The following CSMD3 variants were observed in gnomAD, a reference collection of about 807,000 sequenced individuals.
The protein encoded by CSMD3 is CUB and Sushi multiple domains 3.
In CSMD3, 177 loss-of-function variants were observed where a neutral mutation model predicts 435.2. That is an observed-to-expected ratio of 0.41 (90% confidence interval 0.36 to 0.46). The LOEUF (loss-of-function observed/expected upper bound fraction) is 0.46. CSMD3 is among the 20% of genes least tolerant of loss of function. The pLI is 0.34. For synonymous variants in CSMD3, 1,656 were observed against 1,520.5 expected (o/e 1.09, Z -2.07); for missense variants, 4,265 against 4,504.6 (o/e 0.95, Z 1.52).
intron 23 of CSMD3, among the ~76,000 whole-genome samples, chr8:112,581,655 C>A (rs552037133): frequency 6.6e-6 from 1 of 152,108 alleles, no homozygotes; most frequent in Admixed American, 6.6e-5. Context: ...ATTTACTATA[C>A]GACAAGCATT....
intron 1 of CSMD3, among the ~76,000 whole-genome samples, chr8:113,340,350 A>G (rs2094109835): frequency 1.3e-5 from 2 of 152,172 alleles, no homozygotes; most frequent in South Asian, 4.1e-4. Context: ...TGTGCATTTT[A>G]ATTTTATATA....
At chr8:112,732,275 A>G (rs1380860415) in intron 13 of CSMD3, among the ~76,000 whole-genome samples, 1 of 152,146 alleles carries the variant, frequency 6.6e-6, no homozygotes, top group Non-Finnish European at 1.5e-5. Context: ...TAACACAGAG[A>G]TAGCCCACAA....
chr8:112,979,467 G>C (rs2084968675), intron 6 of CSMD3, among the ~76,000 whole-genome samples: 1 of 151,382 alleles, frequency 6.6e-6, no homozygotes. Flanking sequence ...AAATTGTCAA[G>C]ATTCACCACT....
chr8:112,636,756 C>T (rs2074671314), intron 22 of CSMD3, 61 bp downstream of exon 22: 2 of 1,310,840 alleles, frequency 1.5e-6, no homozygotes, highest in South Asian at 2.4e-5. Flanking sequence ...AAGGGTGTAA[C>T]CATGCAACTC....
chr8:112,803,161 G>A (rs2078999363), intron 12 of CSMD3, among the ~76,000 whole-genome samples: 1 of 152,076 alleles, frequency 6.6e-6, no homozygotes, highest in East Asian at 1.9e-4. Flanking sequence ...GAGAAGAATG[G>A]AAGAGGAAAT....
chr8:112,823,818 C>T (rs925460405), intron 12 of CSMD3, among the ~76,000 whole-genome samples: 1 of 152,130 alleles, frequency 6.6e-6, no homozygotes, highest in African/African-American at 2.4e-5. Flanking sequence ...GTGGAGCGTT[C>T]TGTAGATGTC....
In CSMD3 at chr8:112,550,703, A is replaced by G. The variant is rs2131188611; in HGVS notation, c.4532T>C (p.Ile1511Thr). The part of the protein sequence containing the change: ...VTIQFDTDFY[I>T]SKSGFAIQFS... ...CTGAATTGCAAATCCAGATTTGCTA[A>G]TATAAAAATCCGTGTCAAACTGGAT... The change falls in exon 27 of 71, where the codon ATT becomes ACT. Residue 1511 changes from isoleucine to threonine, a missense_variant. Transcript: ENST00000297405. The G allele has an allele frequency of 6.2e-7, 1 of 1,608,102 alleles. No individual in the cohort carries two copies. The highest frequency in any genetic ancestry group is 8.5e-7 in the Non-Finnish European group (1 of 1,174,970).
chr8:112,799,085 T>C (rs1206088633), intron 13 of CSMD3, among the ~76,000 whole-genome samples: 2 of 151,914 alleles, frequency 1.3e-5, no homozygotes, highest in Non-Finnish European at 2.9e-5. Context: ...TTACTGGGGA[T>C]AGAGGTGGAT....
At chr8:113,340,219 A>G (rs2094108722) in intron 1 of CSMD3, among the ~76,000 whole-genome samples, 1 of 152,090 alleles carries the variant, frequency 6.6e-6, no homozygotes, top group Non-Finnish European at 1.5e-5. Flanking sequence ...GAAGCAAAAT[A>G]TGCATCCTTG....
chr8:112,546,797 A>T (rs927874352), intron 27 of CSMD3, among the ~76,000 whole-genome samples: 1 of 152,192 alleles, frequency 6.6e-6, no homozygotes, highest in Admixed American at 6.5e-5. Context: ...TGCCTTGCAG[A>T]CAATAACACC....
At chr8:112,803,009 G>C (rs530347238) in intron 12 of CSMD3, among the ~76,000 whole-genome samples, 1 of 151,918 alleles carries the variant, frequency 6.6e-6, no homozygotes, top group Admixed American at 6.6e-5. Flanking sequence ...GTCATATTTG[G>C]AATACATACA....
At chr8:112,649,421 T>C (rs995568046) in intron 19 of CSMD3, among the ~76,000 whole-genome samples, 3 of 152,174 alleles carry the variant, frequency 2.0e-5, no homozygotes, top group African/African-American at 7.2e-5. Context: ...AAATGACAAA[T>C]GGTATCTTCC....
chr8:112,451,351 G>C (rs1563551620), intron 32 of CSMD3, among the ~76,000 whole-genome samples: 1 of 151,586 alleles, frequency 6.6e-6, no homozygotes, highest in Non-Finnish European at 1.5e-5. Flanking sequence ...GATTATGGAA[G>C]TATCATGGAA....
intron 9 of CSMD3, among the ~76,000 whole-genome samples, chr8:112,922,215 T>C (rs773423338): frequency 2.0e-4 from 30 of 152,188 alleles, no homozygotes; most frequent in Non-Finnish European, 3.5e-4. Flanking sequence ...AGGTGTTTTT[T>C]TCTAAAAATA....
chr8:112,747,026 T>A (rs954300843), intron 13 of CSMD3, among the ~76,000 whole-genome samples: 3 of 152,074 alleles, frequency 2.0e-5, no homozygotes, highest in Admixed American at 2.0e-4. Flanking sequence ...TTCATTTACA[T>A]GCTCAAATAC....
At chr8:112,296,117 C>G (rs938426691) in intron 53 of CSMD3, 111 bp from the exon 54 acceptor site, 1 of 803,454 alleles carries the variant, frequency 1.2e-6, no homozygotes, top group Middle Eastern at 3.6e-4. Context: ...AAGCAAGCAA[C>G]AAATAATTCA....
chr8:113,079,450 T>G lies in CSMD3; in HGVS notation c.917+19306A>C, dbSNP rs534944672. ...CTTTGATTTTTTTTTCAACTCAGCT[T>G]CATTACATTTTATCTTCCTAAGTAA... On this transcript the variant is annotated intron_variant, in intron 5 of 70. Transcript: ENST00000297405. Among the ~76,000 whole-genome samples the G allele has an allele frequency of 3.9e-5, 6 of 152,264 alleles. No homozygotes were observed. In the South Asian group the frequency reaches 1.2e-3, roughly 32 times the overall value.
At chr8:113,068,903 G>A (rs1012211251) in intron 5 of CSMD3, among the ~76,000 whole-genome samples, 1 of 151,544 alleles carries the variant, frequency 6.6e-6, no homozygotes, top group Non-Finnish European at 1.5e-5. Context: ...AAAAATTCTA[G>A]CGAGACAAAT....
At chr8:112,658,822 G>T (rs1288816032) in intron 17 of CSMD3, among the ~76,000 whole-genome samples, 1 of 152,120 alleles carries the variant, frequency 6.6e-6, no homozygotes, top group Non-Finnish European at 1.5e-5. Flanking sequence ...GCAAGGCGTG[G>T]TTGGCGTCTG....
Sources: gnomAD v4.1 joint callset for allele counts (sites outside exome capture counted in the v4.1 genomes callset) on GRCh38, gnomAD v4.1.1 for gene constraint, MANE v1.5 for transcripts, NCBI Gene and HGNC (gene_info 2026-07-23, HGNC 2026-07-21) for gene names.